APCDD1: variants seen among roughly 807,000 people sequenced by gnomAD.
APCDD1 encodes the protein APC down-regulated 1, also known as protein APCDD1.
A neutral mutation model predicts 38.1 loss-of-function variants in APCDD1; 15 were observed. The ratio of observed to expected loss-of-function variants is 0.39; its 90% CI spans 0.26 to 0.61. The LOEUF (loss-of-function observed/expected upper bound fraction) is 0.61. APCDD1 is among the 20% of genes least tolerant of loss of function. The probability of loss-of-function intolerance (pLI) is 0.49; values close to 1 mark genes in which losing one functional copy is unlikely to be tolerated. For synonymous variants in APCDD1, 261 were observed against 279.7 expected (o/e 0.93, Z 0.67); for missense variants, 647 against 696.2 (o/e 0.93, Z 0.79).
intron 1 of APCDD1, among the ~76,000 whole-genome samples, chr18:10,457,278 C>T (rs900112114): frequency 2.6e-5 from 4 of 152,166 alleles, no homozygotes; most frequent in Admixed American, 6.5e-5. Context: ...TCTTCCTTTC[C>T]CCTTTCCCCC....
intron 3 of APCDD1, among the ~76,000 whole-genome samples, chr18:10,478,922 G>A (rs978934766): frequency 6.6e-5 from 10 of 152,096 alleles, no homozygotes; most frequent in African/African-American, 1.2e-4. Context: ...GCAGGTGGGC[G>A]CCCATCATTT....
rs1411739384 is a variant in APCDD1, at chr18:10,467,780, G to A, written c.59-689G>A. Among the ~76,000 whole-genome samples the A allele has an allele frequency of 6.6e-6, 1 of 152,190 alleles. No individual in the cohort carries two copies. The highest frequency in any genetic ancestry group is 2.4e-5 in the African/African-American group (1 of 41,446). ...GTCACACCACGTCCCTATTGTAGGA[G>A]GGTGCAAGGTTCACACCACGTGGTG... On this transcript the variant is annotated intron_variant, in intron 1 of 4. Coordinates refer to ENST00000355285, the MANE Select transcript of APCDD1 (RefSeq NM_153000.5). This position sits in a 1 kb window ranked among gnomAD's most constrained non-coding sequence, Gnocchi z 4.8.
Position 10,471,830 on chromosome 18 carries a change from G to C in APCDD1, c.543G>C (p.Trp181Cys). 6.2e-7 allele frequency: 1 copy of C among 1,614,032 alleles called. No individual in the cohort carries two copies. Among genetic ancestry groups the C allele is most frequent in the Non-Finnish European group, 8.5e-7 (1 of 1,179,922 alleles). The change falls in exon 3 of 5, where the codon TGG becomes TGC. Residue 181 changes from tryptophan (W) to cysteine (C), a missense_variant. Physicochemically the swap from Trp to Cys is radical, Grantham distance 215. Coordinates refer to ENST00000355285, the MANE Select transcript of APCDD1 (RefSeq NM_153000.5). This position sits in a 1 kb window ranked among gnomAD's most constrained non-coding sequence, Gnocchi z 5.5. ...GCTTCCTCGCAGACGGGGGTCCCTGGGTGCAGGACGTGGCCTATGACCTCT... is the reference window on the plus strand; with the variant it reads ...GCTTCCTCGCAGACGGGGGTCCCTGCGTGCAGGACGTGGCCTATGACCTCT... ...CPGFLADGGP[W>C]VQDVAYDLWR...
chr18:10,461,267 C>T (rs1341574787), intron 1 of APCDD1, among the ~76,000 whole-genome samples: 2 of 152,150 alleles, frequency 1.3e-5, no homozygotes, highest in African/African-American at 2.4e-5. Context: ...TGTCCTAAAG[C>T]ACACAGGGCT....
rs1471310167 is a variant in APCDD1, at chr18:10,470,837, C to G, written c.243-693C>G. On this transcript the variant is annotated intron_variant, in intron 2 of 4. Coordinates refer to ENST00000355285, the MANE Select transcript of APCDD1 (RefSeq NM_153000.5). This position sits in a 1 kb window ranked among gnomAD's most constrained non-coding sequence, Gnocchi z 4.1. ...TGTCTCAGTGCTTCTGGCTCAGGAA[C>G]CTAGCATTCATCTAAGGCCACACTG... Among the ~76,000 whole-genome samples, 1 of 152,220 alleles carries G rather than the reference C, an allele frequency of 6.6e-6. No individual in the cohort carries two copies. The highest frequency in any genetic ancestry group is 1.5e-5 in the Non-Finnish European group (1 of 68,046).
At position 10,488,012 on chromosome 18, in the gene APCDD1, C is replaced by G; in HGVS notation, c.1519C>G (p.Leu507Val). Residue 507 changes from leucine (L) to valine (V), a missense_variant, in exon 5 of 5, where the codon CTG (leucine) becomes GTG (valine). Physicochemically the swap from Leu to Val is conservative, Grantham distance 32. Coordinates refer to ENST00000355285, the MANE Select transcript of APCDD1 (RefSeq NM_153000.5). ...LLAALACLVPLLHWNIRR is the reference protein window; with the variant it reads ...LLAALACLVPVLHWNIRR ...GGCTGCACTTGCCTGCCTTGTCCCTCTGCTGCATTGGAACATCCGCAGATA... is the reference window on the plus strand; with the variant it reads ...GGCTGCACTTGCCTGCCTTGTCCCTGTGCTGCATTGGAACATCCGCAGATA... 6.2e-7 allele frequency: 1 copy of G among 1,613,768 alleles called. No individual in the cohort carries two copies. The highest frequency in any genetic ancestry group is 2.2e-5 in the East Asian group (1 of 44,904).
chr18:10,480,444 G>A (rs1162107342), intron 3 of APCDD1, among the ~76,000 whole-genome samples: 1 of 152,178 alleles, frequency 6.6e-6, no homozygotes, highest in Non-Finnish European at 1.5e-5. Context: ...CAAAGATTAT[G>A]AGAATTAGCA....
At chr18:10,478,060 T>C (rs1369726318) in intron 3 of APCDD1, among the ~76,000 whole-genome samples, 1 of 152,168 alleles carries the variant, frequency 6.6e-6, no homozygotes. Context: ...AAGGCTAATG[T>C]TGCTCTTAAG....
In APCDD1 at chr18:10,456,466, TA is replaced by T. The variant is rs1353675451; in HGVS notation, c.58+1434del. ...ATGAAACAGGAAACATTGTCCCCCT[TA>T]AAAAAATTGTTGTAATATCTGTGAA... On this transcript the variant is annotated intron_variant, in intron 1 of 4. Coordinates refer to ENST00000355285, the MANE Select transcript of APCDD1 (RefSeq NM_153000.5). Among the ~76,000 whole-genome samples the T allele has an allele frequency of 5.9e-5, 9 of 152,216 alleles. No individual in the cohort carries two copies. In the East Asian group the frequency reaches 1.4e-3, roughly 23 times the overall value.
At chr18:10,461,000 T>C (rs535456328) in intron 1 of APCDD1, among the ~76,000 whole-genome samples, 1 of 152,358 alleles carries the variant, frequency 6.6e-6, no homozygotes, top group South Asian at 2.1e-4. Flanking sequence ...GTCAACCCTG[T>C]GCTTCCTTTC....
intron 1 of APCDD1, among the ~76,000 whole-genome samples, chr18:10,455,742 T>C (rs2030364779): frequency 6.6e-6 from 1 of 152,196 alleles, no homozygotes; most frequent in African/African-American, 2.4e-5. Flanking sequence ...TCCCCAGGGG[T>C]TCTAGTAAAC....
chr18:10,476,471 G>A lies in APCDD1; in HGVS notation c.774+4410G>A, dbSNP rs925292274. 2.0e-5 allele frequency: 3 copies of A among 152,198 alleles called. No homozygotes were observed. Among genetic ancestry groups the A allele is most frequent in the African/African-American group, 4.8e-5 (2 of 41,438 alleles). 9.4% of individuals were successfully genotyped at this position (152,198 alleles called of 1,614,324 possible). On this transcript the variant is annotated intron_variant, in intron 3 of 4. Transcript: ENST00000355285. The surrounding 1 kb of genome is among the most constrained non-coding windows in gnomAD (Gnocchi z 5.8). Reference sequence around the variant, plus strand: ...ATGCTTTGCCTGAATCAAGTTTAGCGTCAGAGCAGCCATAATCCTCTGCCG... The same window carrying A: ...ATGCTTTGCCTGAATCAAGTTTAGCATCAGAGCAGCCATAATCCTCTGCCG...
rs1339322952 is a variant in APCDD1 at position 10,454,743 on chromosome 18, G to T, written c.-239G>T. The T allele has an allele frequency of 4.1e-6, 4 of 981,152 alleles. No individual in the cohort carries two copies. Among genetic ancestry groups the T allele is most frequent in the South Asian group, 9.4e-5 (2 of 21,358 alleles). 60.8% of individuals were successfully genotyped at this position (981,152 alleles called of 1,614,324 possible). On this transcript the variant is annotated 5_prime_UTR_variant, in exon 1 of 5. Coordinates refer to ENST00000355285, the MANE Select transcript of APCDD1 (RefSeq NM_153000.5). The stretch of plus-strand genomic sequence containing the variant: ...CGGGCGCGGAGAAGTCGGGGCGGGC[G>T]GCAGAGAGGCCGGGACGCGGACCGG...
chr18:10,454,809 C>A lies in APCDD1; in HGVS notation c.-173C>A. The stretch of plus-strand genomic sequence containing the variant: ...GCCGCCCGACGGCGCCCAGAGAGCG[C>A]GCGCCCCGCAGCCCCGCGCCTAGCC... On this transcript the variant is annotated 5_prime_UTR_variant, in exon 1 of 5. Coordinates refer to ENST00000355285, the MANE Select transcript of APCDD1 (RefSeq NM_153000.5). 1 of 983,300 alleles carries A rather than the reference C, an allele frequency of 1.0e-6. No homozygotes were observed. Among genetic ancestry groups the A allele is most frequent in the African/African-American group, 1.8e-5 (1 of 56,816 alleles). The allele number at this position is 983,300 out of a possible 1,614,324, so 60.9% of individuals were successfully genotyped here. A position where few individuals can be genotyped will look rare whatever the true frequency, so the allele number is the denominator to read the frequency against.
Position 10,485,448 on chromosome 18 carries a change from T to C in APCDD1, c.775-14T>C, listed in dbSNP as rs764129316. On this transcript the variant is annotated splice_polypyrimidine_tract_variant and intron_variant, in intron 3 of 4. Coordinates refer to ENST00000355285, the MANE Select transcript of APCDD1 (RefSeq NM_153000.5). This position sits in a 1 kb window ranked among gnomAD's most constrained non-coding sequence, Gnocchi z 5.8. Reference sequence around the variant, plus strand: ...AGATAGAGGCCTCTGAATGTGTTTGTTTCTTGGCTTCAGAACCACGACCAT... The same window carrying C: ...AGATAGAGGCCTCTGAATGTGTTTGCTTCTTGGCTTCAGAACCACGACCAT... 9.4e-5 allele frequency: 152 copies of C among 1,613,480 alleles called. No homozygotes were observed. The highest frequency in any genetic ancestry group is 1.1e-4 in the Non-Finnish European group (134 of 1,180,026).
rs551480537 is a variant in APCDD1 at position 10,486,622 on chromosome 18, G to A, written c.1096+839G>A. 2.4e-4 allele frequency among the ~76,000 whole-genome samples: 36 copies of A among 152,288 alleles called. 1 individual carries two copies. The South Asian group carries it at 4.6e-3, about 19-fold the overall frequency. Reference sequence around the variant, plus strand: ...TCAGGCTGTGTCCTTATCACTAAACGAGGAGGGGAGGAAGGAGCTGCACCA... The same window carrying A: ...TCAGGCTGTGTCCTTATCACTAAACAAGGAGGGGAGGAAGGAGCTGCACCA... On this transcript the variant is annotated intron_variant, in intron 4 of 4. Coordinates refer to ENST00000355285, the MANE Select transcript of APCDD1 (RefSeq NM_153000.5).
chr18:10,466,737 A>G (rs992585093), intron 1 of APCDD1, among the ~76,000 whole-genome samples: 1 of 152,200 alleles, frequency 6.6e-6, no homozygotes, highest in African/African-American at 2.4e-5. Context: ...CTTAATAACC[A>G]TGACCATGAA....
At chr18:10,457,735 T>A (rs982485493) in intron 1 of APCDD1, among the ~76,000 whole-genome samples, 6 of 152,234 alleles carry the variant, frequency 3.9e-5, no homozygotes, top group Non-Finnish European at 8.8e-5. Flanking sequence ...AACCATTATG[T>A]TTGGCATCCA....
intron 1 of APCDD1, among the ~76,000 whole-genome samples, chr18:10,465,741 G>C (rs774542918): frequency 5.3e-5 from 8 of 152,196 alleles, no homozygotes; most frequent in Non-Finnish European, 8.8e-5. Context: ...GCCATCGGAG[G>C]CTGCTGCAAG....
Sources: gnomAD v4.1 joint callset for allele counts (sites outside exome capture counted in the v4.1 genomes callset) on GRCh38, gnomAD v4.1.1 for gene constraint, Gnocchi (gnomAD v3.1) non-coding constraint, MANE v1.5 for transcripts, NCBI Gene and HGNC (gene_info 2026-07-23, HGNC 2026-07-21) for gene names.